The following ETV6 variants were observed in gnomAD, a reference collection of about 807,000 sequenced individuals.
ETV6 encodes the protein transcription factor ETV6.
Under a neutral mutation model 51.1 loss-of-function variants are expected in ETV6, and 16 were observed. That is an observed-to-expected ratio of 0.31 (90% CI 0.21 to 0.48). The LOEUF (loss-of-function observed/expected upper bound fraction) is 0.48, where lower values mean the gene tolerates loss of function less well. Among genes scored for constraint, ETV6 ranks in the 20% least tolerant of loss-of-function variants. The pLI is 0.99. For missense variants in ETV6, 458 were observed against 594.8 expected, an observed-to-expected ratio of 0.77 and a Z score of 2.39; for synonymous variants, 240 against 224.1, an observed-to-expected ratio of 1.07 and a Z score of -0.64.
intron 2 of ETV6, among the ~76,000 whole-genome samples, chr12:11,779,148 A>G (rs1056195308): frequency 3.3e-5 from 5 of 152,228 alleles, no homozygotes; most frequent in African/African-American, 1.2e-4. Flanking sequence ...TTGTGGATGC[A>G]CACGTGCGTC....
rs1947343422 is a variant in ETV6, at chr12:11,893,829, TATATATATATATACACACACAC to T, written c.*2785_*2806del. ...ATATATATATATATATATATATATATATATATATATATACACACACACACACATACACAAATATTCCAGGATA... is the reference window on the plus strand; with the variant it reads ...ATATATATATATATATATATATATATACACATACACAAATATTCCAGGATA... On this transcript the variant is annotated 3_prime_UTR_variant, in exon 8 of 8. Coordinates refer to ENST00000396373, the MANE Select transcript of ETV6 (RefSeq NM_001987.5). The T allele has an allele frequency of 2.7e-5, 2 of 74,376 alleles. No homozygotes were observed. The highest frequency in any genetic ancestry group is 1.5e-4 in the Admixed American group (1 of 6,464). The allele number at this position is 74,376 out of a possible 1,614,324, so 4.6% of individuals were successfully genotyped here.
At chr12:11,662,664 A>G (rs1482005078) in intron 1 of ETV6, among the ~76,000 whole-genome samples, 2 of 152,064 alleles carry the variant, frequency 1.3e-5, no homozygotes, top group Admixed American at 6.5e-5. Flanking sequence ...TGAGTTCACA[A>G]CCCCCAGCCT....
intron 2 of ETV6, among the ~76,000 whole-genome samples, chr12:11,792,958 G>A (rs1378739883): frequency 2.0e-5 from 3 of 151,838 alleles, no homozygotes; most frequent in South Asian, 2.1e-4. Flanking sequence ...AGAAATTTTA[G>A]TTAGGGGGCT....
At chr12:11,836,365 C>T (rs977724222) in intron 2 of ETV6, among the ~76,000 whole-genome samples, 23 of 152,194 alleles carry the variant, frequency 1.5e-4, no homozygotes, top group African/African-American at 4.8e-4. Context: ...TGAGTGGCCT[C>T]GAGCAGGTGG....
intron 2 of ETV6, chr12:11,826,387 T>C (rs1015306993): frequency 6.6e-6 from 1 of 152,160 alleles, no homozygotes; most frequent in African/African-American, 2.4e-5. Context: ...TTGTTAACAC[T>C]CATACCTTTT....
chr12:11,650,000 C>G lies in ETV6; in HGVS notation c.-128C>G. ...CGCTCCAGACCCCCGGGGCGGCTGCCGGGAGAGATGCTGGAAGAAACTTCT... is the reference window on the plus strand; with the variant it reads ...CGCTCCAGACCCCCGGGGCGGCTGCGGGGAGAGATGCTGGAAGAAACTTCT... On this transcript the variant is annotated 5_prime_UTR_variant, in exon 1 of 8. Coordinates refer to ENST00000396373, the MANE Select transcript of ETV6 (RefSeq NM_001987.5). The G allele has an allele frequency of 7.8e-6, 7 of 896,088 alleles. No homozygotes were observed. Among genetic ancestry groups the G allele is most frequent in the Non-Finnish European group, 1.3e-5 (7 of 550,192 alleles). The allele number at this position is 896,088 out of a possible 1,614,324, so 55.5% of individuals were successfully genotyped here. A position where few individuals can be genotyped will look rare whatever the true frequency, so the allele number is the denominator to read the frequency against.
chr12:11,871,459 G>C (rs760325728), intron 5 of ETV6, among the ~76,000 whole-genome samples: 12 of 152,010 alleles, frequency 7.9e-5, no homozygotes, highest in Non-Finnish European at 1.8e-4. Context: ...TAAAGTGCTA[G>C]GATTACAGGC....
chr12:11,709,990 C>A (rs2120876320), intron 1 of ETV6, among the ~76,000 whole-genome samples: 1 of 152,324 alleles, frequency 6.6e-6, no homozygotes, highest in Non-Finnish European at 1.5e-5. Context: ...CTGACTAATA[C>A]AGCATATCAC....
intron 1 of ETV6, among the ~76,000 whole-genome samples, chr12:11,674,746 C>A (rs990736570): frequency 6.6e-6 from 1 of 151,630 alleles, no homozygotes; most frequent in Non-Finnish European, 1.5e-5. Context: ...GCATGAGTGT[C>A]CACCACCTAG....
intron 2 of ETV6, among the ~76,000 whole-genome samples, chr12:11,834,768 AG>A (rs1305287061): frequency 2.0e-5 from 3 of 152,220 alleles, no homozygotes; most frequent in Admixed American, 2.0e-4. Context: ...CTGTAGAAAA[AG>A]ATCCTGGCTG....
At position 11,894,234 on chromosome 12, in the gene ETV6, G is replaced by A. The variant is rs1480823159; in HGVS notation, c.*3188G>A. The A allele has an allele frequency of 2.6e-5, 6 of 232,444 alleles. No individual in the cohort carries two copies. The highest frequency in any genetic ancestry group is 5.1e-5 in the Non-Finnish European group (6 of 117,618). 14.4% of individuals were successfully genotyped at this position (232,444 alleles called of 1,614,324 possible). On this transcript the variant is annotated 3_prime_UTR_variant, in exon 8 of 8. Transcript: ENST00000396373. ...CACTAAGTACTAGGGGTGTTGTCAGGAGACAAATCTGAAGTCAGGAGAGGA... is the reference window on the plus strand; with the variant it reads ...CACTAAGTACTAGGGGTGTTGTCAGAAGACAAATCTGAAGTCAGGAGAGGA...
At chr12:11,696,521 C>T (rs934342332) in intron 1 of ETV6, among the ~76,000 whole-genome samples, 1 of 152,116 alleles carries the variant, frequency 6.6e-6, no homozygotes, top group Admixed American at 6.5e-5. Context: ...AGTAAATGCT[C>T]AATAAATAGG....
chr12:11,886,116 A>C (rs1406314906), intron 7 of ETV6, 90 bp downstream of exon 7: 144 of 903,522 alleles, frequency 1.6e-4, no homozygotes, highest in Middle Eastern at 2.2e-4. Context: ...TAAGATCTCT[A>C]CCTGCCTATC....
At chr12:11,852,659 G>C (rs1016082867) in intron 3 of ETV6, among the ~76,000 whole-genome samples, 1 of 152,166 alleles carries the variant, frequency 6.6e-6, no homozygotes, top group African/African-American at 2.4e-5. Flanking sequence ...CAAAAAATAA[G>C]AGCAATAAAT....
At chr12:11,817,986 G>T (rs1365161576) in intron 2 of ETV6, among the ~76,000 whole-genome samples, 2 of 152,212 alleles carry the variant, frequency 1.3e-5, no homozygotes, top group Non-Finnish European at 2.9e-5. Context: ...CACATGCAAG[G>T]AGGGAGGAAA....
rs371342176 is a variant in ETV6 at position 11,765,116 on chromosome 12, TA to T, written c.163+12542del. On this transcript the variant is annotated intron_variant, in intron 2 of 7. Coordinates refer to ENST00000396373, the MANE Select transcript of ETV6 (RefSeq NM_001987.5). ...AGAAAAACAGAATAACTCACTAAAA[TA>T]AAAATTTAAAGCTACCCCACAGAAA... Among the ~76,000 whole-genome samples the T allele has an allele frequency of 2.2e-3, 328 of 152,276 alleles. 2 individuals are homozygous for T. The highest frequency in any genetic ancestry group is 7.6e-3 in the African/African-American group (315 of 41,552).
intron 1 of ETV6, among the ~76,000 whole-genome samples, chr12:11,695,343 A>G (rs1274967441): frequency 6.6e-6 from 1 of 152,228 alleles, no homozygotes; most frequent in African/African-American, 2.4e-5. Flanking sequence ...AGGGAGTGAC[A>G]GCAGCAAGGA....
rs528893718 is a variant in ETV6 at position 11,793,761 on chromosome 12, TCTTA to T, written c.163+41186_163+41189del. Among the ~76,000 whole-genome samples, 72 of 152,300 alleles carry T rather than the reference TCTTA, an allele frequency of 4.7e-4. No individual in the cohort carries two copies. In the South Asian group the frequency reaches 0.014, roughly 31 times the overall value. The stretch of plus-strand genomic sequence containing the variant: ...GTTACCTTGCGTAGCGCTATGTGAC[TCTTA>T]CTTGTATTTCCCAGGCATAAACCTG... On this transcript the variant is annotated intron_variant, in intron 2 of 7. Coordinates refer to ENST00000396373, the MANE Select transcript of ETV6 (RefSeq NM_001987.5).
chr12:11,881,940 C>A (rs955211060), intron 5 of ETV6, among the ~76,000 whole-genome samples: 1 of 152,186 alleles, frequency 6.6e-6, no homozygotes, highest in Admixed American at 6.5e-5. Context: ...CTTCTCCACA[C>A]CCCCACCTCA....
Sources: gnomAD v4.1 joint callset for allele counts (sites outside exome capture counted in the v4.1 genomes callset) on GRCh38, gnomAD v4.1.1 for gene constraint, MANE v1.5 for transcripts, NCBI Gene and HGNC (gene_info 2026-07-23, HGNC 2026-07-21) for gene names.